Variants in ITGA7 observed in about 807,000 individuals in gnomAD.
ITGA7 encodes the protein integrin alpha-7.
ITGA7 carries 84 observed loss-of-function variants against 131.6 expected under a neutral mutation model. The ratio of observed to expected loss-of-function variants is 0.64; its 90% confidence interval spans 0.54 to 0.77. ITGA7 has a LOEUF of 0.77. Among genes scored for constraint, ITGA7 ranks in the 30% least tolerant of loss-of-function variants. ITGA7 has a pLI of 0.00. For missense variants in ITGA7, 1,399 were observed against 1,482.9 expected (o/e 0.94, Z 0.93); for synonymous variants, 548 against 600.7 (o/e 0.91, Z 1.28).
At chr12:55,716,241 T>A, upstream of ITGA7, 1 of 1,567,874 alleles carries the variant, frequency 6.4e-7, no homozygotes, top group Non-Finnish European at 8.6e-7. Flanking sequence ...GGCCGCGGCC[T>A]AGCTTCAGCC....
intron 21 of ITGA7, among the ~76,000 whole-genome samples, chr12:55,689,563 C>T (rs1396210505): frequency 2.0e-5 from 3 of 152,226 alleles, no homozygotes; most frequent in African/African-American, 7.2e-5. Flanking sequence ...CAATCACCAC[C>T]TCACGACCCA....
At chr12:55,698,230 A>T in intron 7 of ITGA7, 153 bp downstream of exon 7, 1 of 889,266 alleles carries the variant, frequency 1.1e-6, no homozygotes, top group Non-Finnish European at 1.7e-6. Context: ...GAACTTGCCA[A>T]GGTCAGAAAG....
Position 55,685,257 on chromosome 12 carries a change from T to C in ITGA7, c.3215A>G (p.Glu1072Gly), listed in dbSNP as rs1329228669. The change falls in exon 25 of 25, where the codon GAG (glutamate) becomes GGG (glycine). Residue 1072 changes from glutamate to glycine, a missense_variant. Physicochemically the swap from Glu to Gly is moderately conservative, Grantham distance 98. Transcript: ENST00000257879. ...CGCATGGTACTGGGGCACGGTGGCCTCGGGGTGCTTCGCCCGTTTGAAGAA... is the reference window on the plus strand; with the variant it reads ...CGCATGGTACTGGGGCACGGTGGCCCCGGGGTGCTTCGCCCGTTTGAAGAA... ...MGFFKRAKHP[E>G]ATVPQYHAVK... The C allele has an allele frequency of 6.2e-7, 1 of 1,614,218 alleles. No individual in the cohort carries two copies.
In ITGA7 at chr12:55,694,015, A is replaced by G. The variant is rs1164013623; in HGVS notation, c.2535+6T>C. Reference sequence around the variant, plus strand: ...ACCATGGAGGGGCCTCATCCCTGACACTTACCGTGACCTCATACTTGACCT... The same window carrying G: ...ACCATGGAGGGGCCTCATCCCTGACGCTTACCGTGACCTCATACTTGACCT... On this transcript the variant is annotated splice_donor_region_variant and intron_variant, in intron 19 of 24. Transcript: ENST00000257879. This position sits in a 1 kb window ranked among gnomAD's most constrained non-coding sequence, Gnocchi z 5.3. 1 of 1,610,712 alleles carries G rather than the reference A, an allele frequency of 6.2e-7. No homozygotes were observed. The highest frequency in any genetic ancestry group is 2.2e-5 in the East Asian group (1 of 44,800).
rs1186487398 is a variant in ITGA7, at chr12:55,700,488, C to T, written c.670+411G>A. 21 of 1,445,684 alleles carry T rather than the reference C, an allele frequency of 1.5e-5. No homozygotes were observed. The East Asian group carries it at 4.8e-4, about 33-fold the overall frequency. The allele number at this position is 1,445,684 out of a possible 1,614,324, so 89.6% of individuals were successfully genotyped here. A position where few individuals can be genotyped will look rare whatever the true frequency, so the allele number is the denominator to read the frequency against. On this transcript the variant is annotated intron_variant, in intron 4 of 24. Transcript: ENST00000257879. ...AGACAGGCACACGGGGAAGCCCTGC[C>T]TCTTCTTTCTAGCCCTCTCCCCACC...
At chr12:55,699,599 A>C in intron 5 of ITGA7, 1 of 514,780 alleles carries the variant, frequency 1.9e-6, no homozygotes, top group Non-Finnish European at 3.5e-6. Context: ...CCTTCCCAAA[A>C]TATCCTCAGC....
rs555916344 is a variant in ITGA7 at position 55,694,625 on chromosome 12, C to T, written c.2267G>A (p.Arg756Lys). ...GGCAGATGTGCCAACCTGGGCACCTCTCTTCATGGGGTTCCCCAGCTCACA... is the reference window on the plus strand; with the variant it reads ...GGCAGATGTGCCAACCTGGGCACCTTTCTTCATGGGGTTCCCCAGCTCACA... ...VECELGNPMK[R>K]GAQVTFYLIL... The change falls in exon 16 of 25, where the codon AGA (arginine) becomes AAA (lysine). Residue 756 changes from arginine (R) to lysine (K), a missense_variant. Arg to Lys is a conservative substitution (Grantham distance 26). Coordinates refer to ENST00000257879, the MANE Select transcript of ITGA7 (RefSeq NM_002206.3). The surrounding 1 kb of genome is among the most constrained non-coding windows in gnomAD (Gnocchi z 5.3). 6.2e-7 allele frequency: 1 copy of T among 1,614,106 alleles called. No individual in the cohort carries two copies. The highest frequency in any genetic ancestry group is 2.2e-5 in the East Asian group (1 of 44,868).
chr12:55,710,812 A>G (rs1876034161), upstream of ITGA7, among the ~76,000 whole-genome samples: 1 of 152,136 alleles, frequency 6.6e-6, no homozygotes, highest in South Asian at 2.1e-4. Flanking sequence ...ACCATTCTCA[A>G]AATGACAAAA....
At position 55,694,651 on chromosome 12, in the gene ITGA7, C is replaced by T. The variant is rs1180240512; in HGVS notation, c.2241G>A (p.Glu747=). The T allele has an allele frequency of 6.2e-7, 1 of 1,614,154 alleles. No individual in the cohort carries two copies. The highest frequency in any genetic ancestry group is 8.5e-7 in the Non-Finnish European group (1 of 1,179,982). Reference sequence around the variant, plus strand: ...TCTTCATGGGGTTCCCCAGCTCACACTCAACATGGGAGGCATTCTCATTGG... The same window carrying T: ...TCTTCATGGGGTTCCCCAGCTCACATTCAACATGGGAGGCATTCTCATTGG... ...CLSNENASHV[E]CELGNPMKRG... Residue 747 remains glutamate (E), a synonymous_variant, in exon 16 of 25, where the codon GAG becomes GAA. Coordinates refer to ENST00000257879, the MANE Select transcript of ITGA7 (RefSeq NM_002206.3). This position sits in a 1 kb window ranked among gnomAD's most constrained non-coding sequence, Gnocchi z 5.3.
intron 1 of ITGA7, among the ~76,000 whole-genome samples, chr12:55,705,158 G>A (rs1874909247): frequency 6.6e-6 from 1 of 152,140 alleles, no homozygotes; most frequent in East Asian, 1.9e-4. Flanking sequence ...GGCCCATGTG[G>A]AAGAAAGAAG....
chr12:55,686,330 AGAAGCAGGGCAGAG>A, intron 24 of ITGA7: 1 of 1,303,572 alleles, frequency 7.7e-7, no homozygotes. Context: ...ATGTCGAGGG[AGAAGCAGGGCAGAG>A]GAAGCAGAGG....
chr12:55,686,408 A>G, intron 24 of ITGA7: 10 of 725,592 alleles, frequency 1.4e-5, no homozygotes, highest in Non-Finnish European at 2.0e-5. Context: ...TCTTCCTTCC[A>G]TGGGAGCAGG....
At chr12:55,713,030 C>G (rs984577789), upstream of ITGA7, among the ~76,000 whole-genome samples, 1 of 151,576 alleles carries the variant, frequency 6.6e-6, no homozygotes, top group Non-Finnish European at 1.5e-5. Flanking sequence ...TGAGACCCCC[C>G]CAACACTAAC....
chr12:55,696,324 G>A lies in ITGA7; in HGVS notation c.1846C>T (p.Pro616Ser). 6.3e-7 allele frequency: 1 copy of A among 1,582,556 alleles called. No homozygotes were observed. Among genetic ancestry groups the A allele is most frequent in the Non-Finnish European group, 8.6e-7 (1 of 1,163,322 alleles). ...APGQGLPPVA[P>S]ILNAHQPSTQ... ...CTGGGCTGGTGGGCATTGAGGATGG[G>A]GGCCACTGGAGGCAGCCCCTGGCCA... Residue 616 changes from proline (P) to serine (S), a missense_variant, in exon 13 of 25, where the codon CCC (proline) becomes TCC (serine). Pro to Ser is a moderately conservative substitution (Grantham distance 74). Coordinates refer to ENST00000257879, the MANE Select transcript of ITGA7 (RefSeq NM_002206.3).
chr12:55,698,145 C>T, intron 7 of ITGA7, 119 bp from the exon 8 acceptor site: 1 of 1,001,534 alleles, frequency 1.0e-6, no homozygotes, highest in Non-Finnish European at 1.6e-6. Flanking sequence ...GCTACAAAAT[C>T]CCAGGCACTC....
intron 21 of ITGA7, among the ~76,000 whole-genome samples, chr12:55,689,797 G>A (rs1372873779): frequency 6.6e-6 from 1 of 152,176 alleles, no homozygotes; most frequent in African/African-American, 2.4e-5. Flanking sequence ...GAACAGAACA[G>A]AGCCCTCAGA....
At chr12:55,696,773 G>T (rs572094498) in intron 12 of ITGA7, 126 bp downstream of exon 12, 50 of 1,077,394 alleles carry the variant, frequency 4.6e-5, no homozygotes, top group South Asian at 2.6e-4. Context: ...CAGAAGACAG[G>T]TTTCCCACGT....
chr12:55,695,163 G>T, intron 14 of ITGA7, 193 bp from the exon 15 acceptor site: 1 of 619,114 alleles, frequency 1.6e-6, no homozygotes, highest in Non-Finnish European at 2.9e-6. Flanking sequence ...TCTCATCTCA[G>T]CTCCACCATT....
At chr12:55,697,109 G>C (rs759686410) in intron 11 of ITGA7, 41 bp from the exon 12 acceptor site, 1 of 1,601,116 alleles carries the variant, frequency 6.2e-7, no homozygotes, top group South Asian at 1.1e-5. Context: ...GAGCTGCAGA[G>C]CTGCTCCAGC....
Sources: allele counts gnomAD v4.1 joint callset (sites outside exome capture counted in the v4.1 genomes callset), GRCh38; gene constraint gnomAD v4.1.1; non-coding constraint Gnocchi (gnomAD v3.1); transcripts MANE v1.5; gene names NCBI Gene and HGNC (gene_info 2026-07-23, HGNC 2026-07-21).